Variants in HOXC4 observed in about 807,000 individuals in gnomAD.
The protein encoded by HOXC4 is homeobox protein Hox-C4.
Under a neutral mutation model 25.5 loss-of-function variants are expected in HOXC4, and 15 were observed. The observed-to-expected ratio is 0.59, with a 90% CI of 0.39 to 0.91. The LOEUF is 0.91. Ranked by LOEUF, HOXC4 falls within the 40% of genes least tolerant of loss-of-function variation. HOXC4 has a pLI of 0.00. For synonymous variants in HOXC4, 165 were observed against 148.0 expected (o/e 1.11, Z -0.83); for missense variants, 342 against 352.4 (o/e 0.97, Z 0.24).
At chr12:54,033,622 T>G (rs1256991210) in intron 1 of HOXC4, 1 of 1,429,748 alleles carries the variant, frequency 7.0e-7, no homozygotes, top group Non-Finnish European at 9.3e-7. Flanking sequence ...CGCCTGGGTT[T>G]TATAGGCCAT....
intron 1 of HOXC4, chr12:54,034,389 C>T: frequency 6.2e-7 from 1 of 1,614,220 alleles, no homozygotes; most frequent in South Asian, 1.1e-5. Flanking sequence ...ATAGAGATCG[C>T]CAACAACTTG....
At chr12:54,019,774 C>T (rs893093594) in intron 1 of HOXC4, 1 of 152,008 alleles carries the variant, frequency 6.6e-6, no homozygotes, top group Admixed American at 6.5e-5. Flanking sequence ...TGCTAGAGTT[C>T]GAGGTTGGCC....
At chr12:54,032,925 C>CA (rs1941041993) in intron 1 of HOXC4, 2 of 541,884 alleles carry the variant, frequency 3.7e-6, no homozygotes, top group African/African-American at 3.8e-5. Flanking sequence ...GTCATCAAGC[C>CA]AAATTTATGA....
At position 54,029,840 on chromosome 12, in the gene HOXC4, T is replaced by A. The variant is rs777768728; in HGVS notation, c.-124+12426T>A. 26 of 1,612,178 alleles carry A rather than the reference T, an allele frequency of 1.6e-5. No individual in the cohort carries two copies. Among genetic ancestry groups the A allele is most frequent in the Admixed American group, 5.0e-5 (3 of 59,834 alleles). ...CTGGTTCCAGAACCGCCGGATGAAG[T>A]GGAAAAAAGAATCTAATCTCACATC... On this transcript the variant is annotated intron_variant, in intron 1 of 3. Transcript: ENST00000303406.
intron 1 of HOXC4, among the ~76,000 whole-genome samples, chr12:54,054,598 A>C (rs1248474443): frequency 6.6e-6 from 1 of 152,076 alleles, no homozygotes; most frequent in East Asian, 1.9e-4. Flanking sequence ...ACGATCTGTT[A>C]TGTATGTGTG....
At chr12:54,051,609 T>A (rs745914956), upstream of HOXC4, among the ~76,000 whole-genome samples, 7 of 152,228 alleles carry the variant, frequency 4.6e-5, no homozygotes, top group Admixed American at 4.6e-4. Context: ...TTAGAGGTGT[T>A]CAGCCTCTGG....
intron 1 of HOXC4, among the ~76,000 whole-genome samples, chr12:54,031,886 C>A (rs143777100): frequency 2.5e-3 from 386 of 152,328 alleles, no homozygotes; most frequent in Admixed American, 7.5e-3. Context: ...CGCCCCATTC[C>A]TCTTGGTAGC....
intron 1 of HOXC4, chr12:54,020,792 C>T (rs1467618256): frequency 6.6e-6 from 1 of 152,162 alleles, no homozygotes; most frequent in East Asian, 1.9e-4. Context: ...ATGCGGGTTC[C>T]AGTAACCAAT....
At chr12:54,031,215 G>C (rs1488283529) in intron 1 of HOXC4, among the ~76,000 whole-genome samples, 3 of 152,224 alleles carry the variant, frequency 2.0e-5, no homozygotes. Flanking sequence ...CCAGGCACCA[G>C]GGTCTCCTCC....
intron 1 of HOXC4, among the ~76,000 whole-genome samples, chr12:54,046,796 A>G (rs1391294527): frequency 4.0e-5 from 6 of 151,736 alleles, no homozygotes; most frequent in African/African-American, 7.3e-5. Flanking sequence ...CTTCTCATCA[A>G]TTTCTCCCCT....
intron 1 of HOXC4, chr12:54,030,174 C>A: frequency 1.9e-6 from 1 of 514,472 alleles, no homozygotes; most frequent in South Asian, 3.3e-5. Context: ...CTCCTCCTCG[C>A]TCCCTTGCTA....
intron 1 of HOXC4, 131 bp from the exon 2 acceptor site, chr12:54,054,719 C>A: frequency 1.6e-6 from 1 of 642,636 alleles, no homozygotes; most frequent in East Asian, 2.7e-5. Flanking sequence ...TCTTTATAAC[C>A]CATTTAAGCT....
At position 54,036,462 on chromosome 12, in the gene HOXC4, C is replaced by T. The variant is rs575950610; in HGVS notation, c.-123-16698C>T. Among the ~76,000 whole-genome samples the T allele has an allele frequency of 1.1e-4, 17 of 152,272 alleles. No individual in the cohort carries two copies. The South Asian group carries it at 2.9e-3, about 26-fold the overall frequency. ...TTGGATTTATTATAAGGACTAACTT[C>T]GCTGCATCCCACTGCCTAAGCTACC... On this transcript the variant is annotated intron_variant, in intron 1 of 3. Transcript: ENST00000303406.
At chr12:54,019,377 A>T (rs1184159465) in intron 1 of HOXC4, among the ~76,000 whole-genome samples, 1 of 152,160 alleles carries the variant, frequency 6.6e-6, no homozygotes, top group African/African-American at 2.4e-5. Flanking sequence ...AGCCTGCGGC[A>T]GGCCGGAACC....
At position 54,054,323 on chromosome 12, in the gene HOXC4, T is replaced by C. The variant is rs904284157; in HGVS notation, c.401T>C (p.Ile134Thr). The change falls in exon 1 of 2, where the codon ATA (isoleucine) becomes ACA (threonine). Residue 134 changes from isoleucine to threonine, a missense_variant. Transcript: ENST00000430889. ...HPSSAASKQP[I>T]VYPWMKKIHV... ...TCCAGCGCCGCCAGCAAGCAACCCA[T>C]AGTCTACCCATGGATGAAAAAAATT... 3.8e-6 allele frequency: 6 copies of C among 1,574,686 alleles called. No homozygotes were observed. Among genetic ancestry groups the C allele is most frequent in the Admixed American group, 3.6e-5 (2 of 55,942 alleles).
chr12:54,051,767 C>G (rs1032290452), upstream of HOXC4, among the ~76,000 whole-genome samples: 1 of 152,162 alleles, frequency 6.6e-6, no homozygotes, highest in African/African-American at 2.4e-5. Flanking sequence ...GGGGCCTAAG[C>G]ATTGGAGGAG....
upstream of HOXC4, among the ~76,000 whole-genome samples, chr12:54,052,505 C>A (rs1195923162): frequency 6.6e-6 from 1 of 152,116 alleles, no homozygotes; most frequent in East Asian, 1.9e-4. Flanking sequence ...CGCTACCCCC[C>A]GCAACTCTGA....
intron 1 of HOXC4, chr12:54,032,848 C>G (rs1941039493): frequency 3.7e-6 from 1 of 273,676 alleles, no homozygotes; most frequent in East Asian, 6.6e-5. Context: ...CTCCCTCTCC[C>G]CCTTGGTTGG....
intron 1 of HOXC4, among the ~76,000 whole-genome samples, chr12:54,045,470 T>C (rs574664067): frequency 6.6e-6 from 1 of 152,372 alleles, no homozygotes; most frequent in African/African-American, 2.4e-5. Flanking sequence ...ATGTGTGTGT[T>C]CAATGTCTAT....
Sources: gnomAD v4.1 joint callset for allele counts (sites outside exome capture counted in the v4.1 genomes callset) on GRCh38, gnomAD v4.1.1 for gene constraint, MANE v1.5 for transcripts, NCBI Gene and HGNC (gene_info 2026-07-23, HGNC 2026-07-21) for gene names.